The following MARK1 variants were observed in gnomAD, a reference collection of about 807,000 sequenced individuals.
MARK1 encodes the protein serine/threonine-protein kinase MARK1.
In MARK1, 40 loss-of-function variants were observed where a neutral mutation model predicts 96.3. The observed-to-expected ratio is 0.42, with a 90% CI of 0.32 to 0.54. MARK1 has a LOEUF of 0.54. Ranked by LOEUF, MARK1 falls within the 20% of genes least tolerant of loss-of-function variation. MARK1 has a pLI of 0.16. For synonymous variants in MARK1, 317 were observed against 341.2 expected (o/e 0.93, Z 0.78); for missense variants, 719 against 984.6 (o/e 0.73, Z 3.61).
At position 220,662,820 on chromosome 1, in the gene MARK1, A is replaced by G. The variant is rs1472909116; in HGVS notation, c.*654A>G. 1.3e-5 allele frequency: 2 copies of G among 152,636 alleles called. No individual in the cohort carries two copies. Among genetic ancestry groups the G allele is most frequent in the Non-Finnish European group, 1.5e-5 (1 of 68,040 alleles). 9.5% of individuals were successfully genotyped at this position (152,636 alleles called of 1,614,324 possible). ...ACTTAGAGTTTTTAAATTCAAGTAC[A>G]TGAAATTCAGTAATAGCATTGCCTT... is the stretch of plus-strand genomic sequence containing the variant. On this transcript the variant is annotated 3_prime_UTR_variant, in exon 18 of 18. Coordinates refer to ENST00000366917, the MANE Select transcript of MARK1 (RefSeq NM_018650.5).
At position 220,657,843 on chromosome 1, in the gene MARK1, C is replaced by T. The variant is rs748253569; in HGVS notation, c.2033+9C>T. 1.7e-5 allele frequency: 26 copies of T among 1,558,506 alleles called. No individual in the cohort carries two copies. Among genetic ancestry groups the T allele is most frequent in the Non-Finnish European group, 2.2e-5 (26 of 1,156,984 alleles). On this transcript the variant is annotated intron_variant, in intron 17 of 17. Transcript: ENST00000366917. ...AGAACCGACACCTCAAGGTGAGGAG[C>T]CACTATTAATACTTCGCTGCTAGGT... is the stretch of plus-strand genomic sequence containing the variant.
chr1:220,622,291 C>T (rs933181604), intron 9 of MARK1, among the ~76,000 whole-genome samples: 3 of 152,080 alleles, frequency 2.0e-5, no homozygotes, highest in Non-Finnish European at 2.9e-5. Flanking sequence ...ACTATATTAC[C>T]TTTCAAAACA....
chr1:220,647,193 T>TAA (rs539079143), intron 13 of MARK1, among the ~76,000 whole-genome samples: 208 of 151,972 alleles, frequency 1.4e-3, no homozygotes, highest in African/African-American at 4.8e-3. Flanking sequence ...ACAAGGAACT[T>TAA]AAGCAAATTT....
intron 13 of MARK1, among the ~76,000 whole-genome samples, chr1:220,640,422 T>A (rs1463926486): frequency 2.6e-5 from 4 of 152,246 alleles, no homozygotes; most frequent in Non-Finnish European, 5.9e-5. Flanking sequence ...CAGATGATCT[T>A]TAAAACTGGC....
chr1:220,657,825 A>G lies in MARK1; in HGVS notation c.2024A>G (p.Asp675Gly). The G allele has an allele frequency of 6.4e-7, 1 of 1,571,406 alleles. No homozygotes were observed. Among genetic ancestry groups the G allele is most frequent in the East Asian group, 2.4e-5 (1 of 42,274 alleles). ...GAAGGCGAAGCCAGTGGCAGAACCG[A>G]CACCTCAAGGTGAGGAGCCACTATT... The part of the protein sequence containing the change: ...PSEGEASGRT[D>G]TSRSTSGEPK... Residue 675 changes from aspartate to glycine, a missense_variant, in exon 17 of 18, where the codon GAC becomes GGC. By Grantham distance (94) the Asp-to-Gly change is moderately conservative (BLOSUM62 -1). This residue lies in a region of MARK1 where 501 missense variants were observed against 588.3 expected (regional missense o/e 0.85). Transcript: ENST00000366917.
intron 1 of MARK1, among the ~76,000 whole-genome samples, chr1:220,577,679 T>G (rs1367916685): frequency 6.6e-6 from 1 of 152,206 alleles, no homozygotes. Flanking sequence ...TGAAAACTAT[T>G]GCTTTATTGA....
rs973661610 is a variant in MARK1, at chr1:220,618,564, T to C, written c.789+18T>C. The C allele has an allele frequency of 1.2e-6, 2 of 1,612,840 alleles. No individual in the cohort carries two copies. The highest frequency in any genetic ancestry group is 1.7e-6 in the Non-Finnish European group (2 of 1,179,296). ...ATTTAAAGGTATCAGCTAAATTCTT[T>C]ATTAATGTTTTATCCCCAAGTATGA... On this transcript the variant is annotated intron_variant, in intron 8 of 17. Coordinates refer to ENST00000366917, the MANE Select transcript of MARK1 (RefSeq NM_018650.5). The surrounding 1 kb of genome is among the most constrained non-coding windows in gnomAD (Gnocchi z 4.6).
chr1:220,619,401 G>T (rs1357229355), intron 9 of MARK1, among the ~76,000 whole-genome samples: 2 of 152,192 alleles, frequency 1.3e-5, no homozygotes, highest in African/African-American at 4.8e-5. Context: ...GTGAACTTGG[G>T]AGGCGGCGCT....
chr1:220,632,146 T>C (rs1667711957), intron 10 of MARK1, 55 bp from the exon 11 acceptor site: 1 of 827,406 alleles, frequency 1.2e-6, no homozygotes, highest in Non-Finnish European at 1.8e-6. Flanking sequence ...TTTTTGTTGA[T>C]TTGTTTACGA....
intron 1 of MARK1, among the ~76,000 whole-genome samples, chr1:220,559,853 G>A (rs998556662): frequency 6.6e-5 from 10 of 151,234 alleles, no homozygotes; most frequent in African/African-American, 2.2e-4. Flanking sequence ...GAGGAAGAAT[G>A]AAGTGGAAGT....
intron 13 of MARK1, among the ~76,000 whole-genome samples, chr1:220,644,949 G>A (rs912819203): frequency 3.3e-5 from 5 of 152,086 alleles, no homozygotes; most frequent in African/African-American, 7.2e-5. Context: ...GAAATTTATA[G>A]CACTAAATAC....
chr1:220,559,921 A>C (rs1307307314), intron 1 of MARK1, among the ~76,000 whole-genome samples: 1 of 151,632 alleles, frequency 6.6e-6, no homozygotes, highest in East Asian at 1.9e-4. Context: ...ATGTTCTAAG[A>C]CTGTGTTAGT....
intron 5 of MARK1, among the ~76,000 whole-genome samples, chr1:220,601,179 A>G (rs1411912282): frequency 6.6e-6 from 1 of 152,090 alleles, no homozygotes; most frequent in African/African-American, 2.4e-5. Context: ...TGGCCTCCCA[A>G]AGTGCTGGGA....
At chr1:220,587,689 T>G (rs1447912961) in intron 3 of MARK1, among the ~76,000 whole-genome samples, 1 of 152,160 alleles carries the variant, frequency 6.6e-6, no homozygotes, top group Non-Finnish European at 1.5e-5. Context: ...TATTTTTTAT[T>G]GCTATTGTTA....
chr1:220,659,931 G>A (rs888805509), intron 17 of MARK1, among the ~76,000 whole-genome samples: 3 of 152,094 alleles, frequency 2.0e-5, no homozygotes, highest in Admixed American at 2.0e-4. Flanking sequence ...GGGATTACAG[G>A]CGCTTGCCAC....
chr1:220,630,375 A>G (rs1274839974), intron 9 of MARK1, among the ~76,000 whole-genome samples: 1 of 152,132 alleles, frequency 6.6e-6, no homozygotes, highest in Admixed American at 6.6e-5. Context: ...ATGTTTTGCA[A>G]ATATTTTTCC....
intron 11 of MARK1, 32 bp from the exon 12 acceptor site, chr1:220,635,343 GC>G: frequency 4.6e-6 from 4 of 862,278 alleles, no homozygotes; most frequent in East Asian, 3.9e-5. Flanking sequence ...TTTTTTTTTT[GC>G]TTTAAAATCC....
At chr1:220,540,381 C>T (rs1028070834) in intron 1 of MARK1, among the ~76,000 whole-genome samples, 1 of 152,134 alleles carries the variant, frequency 6.6e-6, no homozygotes, top group Admixed American at 6.5e-5. Flanking sequence ...ATATTCCAAT[C>T]GGGCTCTCTC....
At chr1:220,657,554 T>G (rs1026831192) in intron 16 of MARK1, among the ~76,000 whole-genome samples, 4 of 152,128 alleles carry the variant, frequency 2.6e-5, no homozygotes, top group African/African-American at 9.7e-5. Flanking sequence ...AAAAAAAAAT[T>G]TCAAACTTTC....
Sources: gnomAD v4.1 joint callset for allele counts (sites outside exome capture counted in the v4.1 genomes callset) on GRCh38, gnomAD v4.1.1 for gene constraint, gnomAD v4.1.1 regional missense constraint, Gnocchi (gnomAD v3.1) non-coding constraint, MANE v1.5 for transcripts, NCBI Gene and HGNC (gene_info 2026-07-23, HGNC 2026-07-21) for gene names.